CSMD3: variants seen among roughly 807,000 people sequenced by gnomAD.
The protein encoded by CSMD3 is CUB and Sushi multiple domains 3.
CSMD3 carries 177 observed loss-of-function variants against 435.2 expected under a neutral mutation model. The observed-to-expected ratio is 0.41, with a 90% CI of 0.36 to 0.46. The LOEUF is 0.46. CSMD3 is among the 20% of genes least tolerant of loss of function. The pLI is 0.34. For synonymous variants in CSMD3, 1,656 were observed against 1,520.5 expected, an observed-to-expected ratio of 1.09 and a Z score of -2.07; for missense variants, 4,265 against 4,504.6, an observed-to-expected ratio of 0.95 and a Z score of 1.52.
intron 59 of CSMD3, 38 bp from the exon 60 acceptor site, chr8:112,265,628 G>A (rs568930243): frequency 1.2e-5 from 17 of 1,459,354 alleles, no homozygotes; most frequent in Non-Finnish European, 1.6e-5. Context: ...TGGTTAATGA[G>A]GCATGTATTT....
rs749451040 is a variant in CSMD3 at position 112,406,730 on chromosome 8, G to A, written c.5606-3C>T. On this transcript the variant is annotated splice_polypyrimidine_tract_variant and splice_region_variant and intron_variant, in intron 34 of 70. Transcript: ENST00000297405. ...TGTAGAACTTGTTCTAGGAACAGCT[G>A]TGTAGAAATATTATATTTATTTTAA... is the stretch of plus-strand genomic sequence containing the variant. The A allele has an allele frequency of 1.0e-4, 160 of 1,556,748 alleles. No homozygotes were observed. Among genetic ancestry groups the A allele is most frequent in the Non-Finnish European group, 1.3e-4 (152 of 1,137,276 alleles).
intron 35 of CSMD3, among the ~76,000 whole-genome samples, 159 bp downstream of exon 35, chr8:112,406,365 A>C (rs1274105189): frequency 6.6e-6 from 1 of 152,110 alleles, no homozygotes; most frequent in African/African-American, 2.4e-5. Flanking sequence ...AATTGCAACA[A>C]ATCTCCACTG....
At chr8:112,891,553 C>CAGGTTCT (rs2081791888) in intron 10 of CSMD3, among the ~76,000 whole-genome samples, 1 of 151,402 alleles carries the variant, frequency 6.6e-6, no homozygotes, top group Non-Finnish European at 1.5e-5. Flanking sequence ...TTCCAGGTAT[C>CAGGTTCT]AGGTTCTATC....
intron 23 of CSMD3, among the ~76,000 whole-genome samples, chr8:112,577,446 C>G (rs1419686437): frequency 2.0e-5 from 3 of 151,960 alleles, no homozygotes; most frequent in African/African-American, 7.2e-5. Context: ...ACTCTTAGTG[C>G]TCATATTTCT....
At chr8:112,337,802 A>G in intron 42 of CSMD3, 71 bp from the exon 43 acceptor site, 2 of 1,166,250 alleles carry the variant, frequency 1.7e-6, no homozygotes, top group African/African-American at 1.5e-5. Context: ...TACTACAGCA[A>G]TTTTGCAACT....
At chr8:113,376,919 G>C (rs940509576) in intron 1 of CSMD3, 4 of 1,586,750 alleles carry the variant, frequency 2.5e-6, no homozygotes, top group Non-Finnish European at 3.4e-6. Context: ...GTGGTTGTGG[G>C]GGCCATAACG....
At chr8:113,130,086 T>C (rs2091247050) in intron 4 of CSMD3, among the ~76,000 whole-genome samples, 1 of 152,032 alleles carries the variant, frequency 6.6e-6, no homozygotes, top group African/African-American at 2.4e-5. Flanking sequence ...CTCTTTGTGA[T>C]AGGCACTGTC....
At chr8:112,426,943 T>C (rs1470791709) in intron 32 of CSMD3, among the ~76,000 whole-genome samples, 2 of 152,198 alleles carry the variant, frequency 1.3e-5, no homozygotes, top group Non-Finnish European at 2.9e-5. Flanking sequence ...TGTTCAAAAG[T>C]ATTGTGTCAG....
chr8:112,287,566 G>C (rs10105640), intron 57 of CSMD3, among the ~76,000 whole-genome samples: 3,950 of 152,164 alleles, frequency 0.026, 79 homozygotes, highest in Non-Finnish European at 0.039. Flanking sequence ...ACAGTACTAT[G>C]AACTCAAATG....
At chr8:112,494,411 TTTTC>T (rs1343028936) in intron 30 of CSMD3, among the ~76,000 whole-genome samples, 1 of 151,600 alleles carries the variant, frequency 6.6e-6, no homozygotes, top group Non-Finnish European at 1.5e-5. Flanking sequence ...TTTTCTTTTC[TTTTC>T]TTTCTTTCTC....
At chr8:113,431,945 C>T (rs768495985) in intron 1 of CSMD3, among the ~76,000 whole-genome samples, 51 of 152,224 alleles carry the variant, frequency 3.4e-4, no homozygotes, top group Middle Eastern at 3.4e-3. Flanking sequence ...AATAGAAATG[C>T]TAATTAATAT....
chr8:112,306,277 C>A, intron 50 of CSMD3, 85 bp from the exon 51 acceptor site: 1 of 952,722 alleles, frequency 1.0e-6, no homozygotes, highest in East Asian at 2.6e-5. Flanking sequence ...GTAAAACATG[C>A]AAAACTAACG....
intron 4 of CSMD3, among the ~76,000 whole-genome samples, chr8:113,167,080 G>T (rs1176803816): frequency 2.0e-5 from 3 of 151,782 alleles, no homozygotes; most frequent in Non-Finnish European, 4.4e-5. Context: ...GCAAACCAAG[G>T]CTTTTATTAG....
chr8:112,557,999 G>C (rs1184246143), intron 24 of CSMD3, among the ~76,000 whole-genome samples: 1 of 151,882 alleles, frequency 6.6e-6, no homozygotes, highest in Non-Finnish European at 1.5e-5. Context: ...ACTGCAAGTA[G>C]TGTTAGAATT....
At chr8:112,892,142 A>G (rs2081811380) in intron 10 of CSMD3, among the ~76,000 whole-genome samples, 1 of 151,552 alleles carries the variant, frequency 6.6e-6, no homozygotes, top group Non-Finnish European at 1.5e-5. Flanking sequence ...ATTACTAAGT[A>G]TTCTCTCCCT....
chr8:112,989,167 C>T (rs2085357708), intron 6 of CSMD3, among the ~76,000 whole-genome samples: 1 of 151,868 alleles, frequency 6.6e-6, no homozygotes, highest in South Asian at 2.1e-4. Flanking sequence ...AATAAAACAG[C>T]AGGTAGTGAA....
At chr8:112,494,000 G>A (rs142194970) in intron 30 of CSMD3, among the ~76,000 whole-genome samples, 2 of 152,008 alleles carry the variant, frequency 1.3e-5, no homozygotes, top group Non-Finnish European at 2.9e-5. Context: ...GTAAGTCAAC[G>A]ATATCTTGGT....
chr8:112,871,463 A>C (rs1460548705), intron 10 of CSMD3, among the ~76,000 whole-genome samples: 1 of 152,162 alleles, frequency 6.6e-6, no homozygotes, highest in East Asian at 1.9e-4. Context: ...AAAACGGTTA[A>C]AACTTGGAAG....
At chr8:113,078,710 G>A (rs1335037933) in intron 5 of CSMD3, among the ~76,000 whole-genome samples, 1 of 152,090 alleles carries the variant, frequency 6.6e-6, no homozygotes, top group African/African-American at 2.4e-5. Context: ...CCTCCTTGAG[G>A]AAAATTAGTT....
Sources: allele counts gnomAD v4.1 joint callset (sites outside exome capture counted in the v4.1 genomes callset), GRCh38; gene constraint gnomAD v4.1.1; transcripts MANE v1.5; gene names NCBI Gene and HGNC (gene_info 2026-07-23, HGNC 2026-07-21).